CAMSAP3: variants seen among roughly 807,000 people sequenced by gnomAD.
CAMSAP3 encodes calmodulin-regulated spectrin-associated protein 3.
A neutral mutation model predicts 112.5 loss-of-function variants in CAMSAP3; 34 were observed. The observed-to-expected ratio is 0.30, with a 90% CI of 0.23 to 0.40. The LOEUF is 0.40. CAMSAP3 is among the 10% of genes least tolerant of loss of function. CAMSAP3 has a pLI of 1.00. For synonymous variants in CAMSAP3, 868 were observed against 799.8 expected, an observed-to-expected ratio of 1.09 and a Z score of -1.44; for missense variants, 1,602 against 1,770.3, an observed-to-expected ratio of 0.90 and a Z score of 1.71.
intron 2 of CAMSAP3, 40 bp downstream of exon 2, chr19:7,605,519 C>G: frequency 7.0e-7 from 1 of 1,428,220 alleles, no homozygotes. Flanking sequence ...GCCTACCATG[C>G]TCAGCTCCTC....
intron 4 of CAMSAP3, 86 bp downstream of exon 4, chr19:7,606,657 T>G: frequency 6.5e-7 from 1 of 1,545,148 alleles, no homozygotes; most frequent in Non-Finnish European, 8.8e-7. Context: ...ACTCCTGAAG[T>G]GGGGAGGGGG....
rs747602343 is a variant in CAMSAP3 at position 7,606,257 on chromosome 19, G to A, written c.403-14G>A. 72 of 1,606,228 alleles carry A rather than the reference G, an allele frequency of 4.5e-5. No homozygotes were observed. In the Admixed American group the frequency reaches 1.2e-3, roughly 26 times the overall value. On this transcript the variant is annotated splice_polypyrimidine_tract_variant and intron_variant, in intron 2 of 16. Coordinates refer to ENST00000160298, the MANE Select transcript of CAMSAP3 (RefSeq NM_020902.2). Reference sequence around the variant, plus strand: ...CAGCTCTCAGGTCTCACCCTCTAGCGCTTGCCCCCACAGGGAGCCCACCTA... The same window carrying A: ...CAGCTCTCAGGTCTCACCCTCTAGCACTTGCCCCCACAGGGAGCCCACCTA...
Position 7,607,808 on chromosome 19 carries a change from C to T in CAMSAP3, c.622-318C>T, listed in dbSNP as rs762138597. Reference sequence around the variant, plus strand: ...CCCCTCCCCCTTGCTGATGGCTGCTCCTCTCCCCCCAGCACGCAATTGCCT... The same window carrying T: ...CCCCTCCCCCTTGCTGATGGCTGCTTCTCTCCCCCCAGCACGCAATTGCCT... On this transcript the variant is annotated intron_variant, in intron 4 of 16. Transcript: ENST00000160298. The surrounding 1 kb of genome is among the most constrained non-coding windows in gnomAD (Gnocchi z 4.9). 4.7e-6 allele frequency: 6 copies of T among 1,282,400 alleles called. No individual in the cohort carries two copies. The highest frequency in any genetic ancestry group is 1.5e-5 in the African/African-American group (1 of 66,208). The allele number at this position is 1,282,400 out of a possible 1,614,324, so 79.4% of individuals were successfully genotyped here.
rs760966796 is a variant in CAMSAP3 at position 7,617,374 on chromosome 19, C to T, written c.3261C>T (p.Ser1087=). The T allele has an allele frequency of 1.5e-5, 25 of 1,614,004 alleles. No individual in the cohort carries two copies. The South Asian group carries it at 2.7e-4, about 18-fold the overall frequency. ...TGTCCCCAAGCCGCCTGCCTGGAAGCCGCGAACGGGACTGGGAAAATGGCA... is the reference window on the plus strand; with the variant it reads ...TGTCCCCAAGCCGCCTGCCTGGAAGTCGCGAACGGGACTGGGAAAATGGCA... ...GLMSPSRLPG[S]RERDWENGSN... Residue 1087 remains serine, a synonymous_variant, in exon 15 of 17, where the codon AGC becomes AGT. Coordinates refer to ENST00000160298, the MANE Select transcript of CAMSAP3 (RefSeq NM_020902.2). The surrounding 1 kb of genome is among the most constrained non-coding windows in gnomAD (Gnocchi z 7.5).
chr19:7,608,684 G>C (rs1657490663), intron 5 of CAMSAP3, among the ~76,000 whole-genome samples: 1 of 150,904 alleles, frequency 6.6e-6, no homozygotes, highest in Admixed American at 6.6e-5. Flanking sequence ...GCCCAGGCTG[G>C]AGTGTAATGG....
At chr19:7,597,375 C>T (rs1011871464) in intron 1 of CAMSAP3, among the ~76,000 whole-genome samples, 2 of 152,180 alleles carry the variant, frequency 1.3e-5, no homozygotes, top group Admixed American at 1.3e-4. Flanking sequence ...CCAGGACAGC[C>T]CCAGCTCCTC....
Position 7,617,338 on chromosome 19 carries a change from G to A in CAMSAP3, c.3225G>A (p.Pro1075=), listed in dbSNP as rs144062687. 2.7e-3 allele frequency: 4,290 copies of A among 1,613,494 alleles called. 12 individuals are homozygous for A. The highest frequency in any genetic ancestry group is 3.4e-3 in the Non-Finnish European group (3,963 of 1,179,640). ...TCTCCCACTGCAGGGCTCCCTCCCC[G>A]TCAGGTCTCATGTCCCCAAGCCGCC... The part of the protein sequence containing the change: ...VKRPTSRAPS[P]SGLMSPSRLP... The change falls in exon 15 of 17, where the codon CCG becomes CCA. Residue 1075 remains proline, a synonymous_variant. Coordinates refer to ENST00000160298, the MANE Select transcript of CAMSAP3 (RefSeq NM_020902.2). This position sits in a 1 kb window ranked among gnomAD's most constrained non-coding sequence, Gnocchi z 7.5.
In CAMSAP3 at chr19:7,610,243, G is replaced by A. The variant is rs942621959; in HGVS notation, c.761-233G>A. Among the ~76,000 whole-genome samples, 110 of 151,948 alleles carry A rather than the reference G, an allele frequency of 7.2e-4. 1 individual carries two copies. Among genetic ancestry groups the A allele is most frequent in the Non-Finnish European group, 1.1e-3 (74 of 67,926 alleles). On this transcript the variant is annotated intron_variant, in intron 5 of 16. Coordinates refer to ENST00000160298, the MANE Select transcript of CAMSAP3 (RefSeq NM_020902.2). This position sits in a 1 kb window ranked among gnomAD's most constrained non-coding sequence, Gnocchi z 4.9. ...TGAGGTGGGAGAATCACTTGAACCC[G>A]GGAGGCAGAGGTTGCAGTGAGCTGG...
chr19:7,612,218 G>A lies in CAMSAP3; in HGVS notation c.1725G>A (p.Val575=). Residue 575 remains valine, a synonymous_variant, in exon 11 of 17, where the codon GTG becomes GTA. Transcript: ENST00000160298. ...TTGCAGAACGCAAGAAACAGCTGGTGAAGGCAGAGGCTGAGGCCGGAGCGG... is the reference window on the plus strand; with the variant it reads ...TTGCAGAACGCAAGAAACAGCTGGTAAAGGCAGAGGCTGAGGCCGGAGCGG... ...TSFAERKKQL[V]KAEAEAGAGS... 2 of 1,598,288 alleles carry A rather than the reference G, an allele frequency of 1.3e-6. No homozygotes were observed. Among genetic ancestry groups the A allele is most frequent in the South Asian group, 2.2e-5 (2 of 89,402 alleles).
At chr19:7,601,302 A>G (rs967193907) in intron 1 of CAMSAP3, among the ~76,000 whole-genome samples, 4 of 152,034 alleles carry the variant, frequency 2.6e-5, no homozygotes, top group Middle Eastern at 3.4e-3. Flanking sequence ...TTGGGCTCAC[A>G]TTATACGCAT....
intron 11 of CAMSAP3, chr19:7,614,780 G>C: frequency 3.8e-6 from 1 of 262,260 alleles, no homozygotes; most frequent in Non-Finnish European, 7.5e-6. Context: ...TGCCTGGAAC[G>C]CTCTGCTCTG....
rs753170319 is a variant in CAMSAP3 at position 7,610,429 on chromosome 19, ATCC to A, written c.761-38_761-36del. On this transcript the variant is annotated intron_variant, in intron 5 of 16. Transcript: ENST00000160298. This position sits in a 1 kb window ranked among gnomAD's most constrained non-coding sequence, Gnocchi z 4.9. ...TGGTCCCTGGCTTCCCTGGGGCCCC[ATCC>A]TCCTCCTCATAGAGTTGGGGACCCA... is the stretch of plus-strand genomic sequence containing the variant. 2.6e-6 allele frequency: 4 copies of A among 1,562,318 alleles called. No homozygotes were observed. Among genetic ancestry groups the A allele is most frequent in the South Asian group, 2.4e-5 (2 of 83,068 alleles).
Position 7,615,372 on chromosome 19 carries a change from G to A in CAMSAP3, c.2811-46G>A, listed in dbSNP as rs372925563. 163 of 1,532,884 alleles carry A rather than the reference G, an allele frequency of 1.1e-4. No individual in the cohort carries two copies. The highest frequency in any genetic ancestry group is 1.7e-4 in the Middle Eastern group (1 of 5,748). The allele number at this position is 1,532,884 out of a possible 1,614,324, so 95.0% of individuals were successfully genotyped here. A position where few individuals can be genotyped will look rare whatever the true frequency, so the allele number is the denominator to read the frequency against. On this transcript the variant is annotated intron_variant, in intron 12 of 16. Transcript: ENST00000160298. The surrounding 1 kb of genome is among the most constrained non-coding windows in gnomAD (Gnocchi z 6.5). ...CCCGCTCCTTGGCCTGTCTGCCACC[G>A]CGGACCCCGTGAGCGGTTCTGATGC...
Position 7,611,432 on chromosome 19 carries a change from C to A in CAMSAP3, c.1124-85C>A. 1 of 1,321,188 alleles carries A rather than the reference C, an allele frequency of 7.6e-7. No homozygotes were observed. The highest frequency in any genetic ancestry group is 1.0e-6 in the Non-Finnish European group (1 of 958,062). 81.8% of individuals were successfully genotyped at this position (1,321,188 alleles called of 1,614,324 possible). A position where few individuals can be genotyped will look rare whatever the true frequency, so the allele number is the denominator to read the frequency against. ...GAGCCATCAGTGACTCACCCAATGA[C>A]CTTGCAGAGGTTGTCCCCAGATGCT... On this transcript the variant is annotated intron_variant, in intron 9 of 16. Coordinates refer to ENST00000160298, the MANE Select transcript of CAMSAP3 (RefSeq NM_020902.2). This position sits in a 1 kb window ranked among gnomAD's most constrained non-coding sequence, Gnocchi z 6.9.
Position 7,610,019 on chromosome 19 carries a change from T to A in CAMSAP3, c.761-457T>A, listed in dbSNP as rs2030394461. ...AAGGACCCCCGGCCTAAGGACGGTC[T>A]ATCATATAATTCACCTCGGCCGGGT... On this transcript the variant is annotated intron_variant, in intron 5 of 16. Transcript: ENST00000160298. The surrounding 1 kb of genome is among the most constrained non-coding windows in gnomAD (Gnocchi z 4.9). Among the ~76,000 whole-genome samples, 1 of 152,094 alleles carries A rather than the reference T, an allele frequency of 6.6e-6. No individual in the cohort carries two copies. Among genetic ancestry groups the A allele is most frequent in the Non-Finnish European group, 1.5e-5 (1 of 68,012 alleles).
In CAMSAP3 at chr19:7,612,352, G is replaced by A. The variant is rs1019844302; in HGVS notation, c.1859G>A (p.Arg620Gln). 2 of 1,603,568 alleles carry A rather than the reference G, an allele frequency of 1.2e-6. No homozygotes were observed. Among genetic ancestry groups the A allele is most frequent in the Admixed American group, 1.7e-5 (1 of 59,430 alleles). ...KRRAIEAQKRRIEAIFAKHRQ... is the reference protein window; with the variant it reads ...KRRAIEAQKRQIEAIFAKHRQ... ...AGAGCCATCGAGGCTCAGAAGCGAC[G>A]GATTGAGGCCATATTCGCCAAGCAC... Residue 620 changes from arginine (R) to glutamine (Q), a missense_variant, in exon 11 of 17, where the codon CGG (arginine) becomes CAG (glutamine). Arg to Gln is a conservative substitution (Grantham distance 43). This residue lies in a region of CAMSAP3 where 1,100 missense variants were observed against 1,135.7 expected (regional missense o/e 0.97). Transcript: ENST00000160298.
At chr19:7,604,481 C>T (rs2030105926) in intron 1 of CAMSAP3, among the ~76,000 whole-genome samples, 1 of 152,098 alleles carries the variant, frequency 6.6e-6, no homozygotes, top group South Asian at 2.1e-4. Context: ...CAGTCATTAC[C>T]CCTCTCTTCC....
intron 1 of CAMSAP3, among the ~76,000 whole-genome samples, chr19:7,598,454 GGTA>G (rs1245548965): frequency 6.6e-6 from 1 of 152,154 alleles, no homozygotes; most frequent in East Asian, 1.9e-4. Flanking sequence ...GACAAGATCA[GGTA>G]TGCAGTGGCC....
Position 7,610,638 on chromosome 19 carries a change from T to C in CAMSAP3, c.900+23T>C. The stretch of plus-strand genomic sequence containing the variant: ...AAGGTAAGGCCATCCTGGGGCCTCC[T>C]GGGCCGAGGCGGGCATCTGGGGCCA... On this transcript the variant is annotated intron_variant, in intron 6 of 16. Coordinates refer to ENST00000160298, the MANE Select transcript of CAMSAP3 (RefSeq NM_020902.2). The surrounding 1 kb of genome is among the most constrained non-coding windows in gnomAD (Gnocchi z 4.9). 6.2e-7 allele frequency: 1 copy of C among 1,613,764 alleles called. No individual in the cohort carries two copies. Among genetic ancestry groups the C allele is most frequent in the South Asian group, 1.1e-5 (1 of 91,080 alleles).
Sources: gnomAD v4.1 joint callset for allele counts (sites outside exome capture counted in the v4.1 genomes callset) on GRCh38, gnomAD v4.1.1 for gene constraint, gnomAD v4.1.1 regional missense constraint, Gnocchi (gnomAD v3.1) non-coding constraint, MANE v1.5 for transcripts, NCBI Gene and HGNC (gene_info 2026-07-23, HGNC 2026-07-21) for gene names.